The following COG5 variants were observed in gnomAD, a reference collection of about 807,000 sequenced individuals.
The protein encoded by COG5 is conserved oligomeric Golgi complex subunit 5.
COG5 carries 86 observed loss-of-function variants against 110.4 expected under a neutral mutation model. The ratio of observed to expected loss-of-function variants is 0.78; its 90% CI spans 0.65 to 0.93. The LOEUF is 0.93. COG5 is among the 40% of genes least tolerant of loss of function. The pLI, the probability that COG5 is intolerant of heterozygous loss-of-function variation, is 0.00. For synonymous variants in COG5, 360 were observed against 334.6 expected, an observed-to-expected ratio of 1.08 and a Z score of -0.83; for missense variants, 1,077 against 987.0, an observed-to-expected ratio of 1.09 and a Z score of -1.22.
chr7:107,281,430 T>C, intron 13 of COG5, 31 bp from the exon 14 acceptor site: 4 of 1,437,262 alleles, frequency 2.8e-6, no homozygotes, highest in East Asian at 2.3e-5. Flanking sequence ...TTTTAAATAT[T>C]AGCAACATCA....
intron 11 of COG5, among the ~76,000 whole-genome samples, chr7:107,314,496 C>A (rs1359820777): frequency 6.7e-6 from 1 of 150,358 alleles, no homozygotes; most frequent in Non-Finnish European, 1.5e-5. Context: ...GTAATCCCAG[C>A]ACTTTGGGAG....
In COG5 at chr7:107,465,839, T is replaced by C. The variant is rs530605512; in HGVS notation, c.539-53207A>G. Among the ~76,000 whole-genome samples the C allele has an allele frequency of 2.3e-3, 356 of 152,276 alleles. 1 individual carries two copies. The highest frequency in any genetic ancestry group is 8.1e-3 in the African/African-American group (338 of 41,564). ...AAGAATGGCAGCCTTCTTACAAAAA[T>C]GTTATGTATCTAACTAGTATCAATA... On this transcript the variant is annotated intron_variant, in intron 6 of 21. Transcript: ENST00000297135.
At chr7:107,383,969 G>GT (rs1035011174) in intron 7 of COG5, among the ~76,000 whole-genome samples, 5 of 151,924 alleles carry the variant, frequency 3.3e-5, no homozygotes, top group Non-Finnish European at 7.4e-5. Flanking sequence ...AAAGGATAAA[G>GT]TTTTTTTTGC....
chr7:107,388,891 C>A (rs990341595), intron 7 of COG5, among the ~76,000 whole-genome samples: 1 of 152,146 alleles, frequency 6.6e-6, no homozygotes, highest in African/African-American at 2.4e-5. Context: ...CTGAACAATG[C>A]GGCTTCCACA....
At chr7:107,409,825 A>C (rs1792143966) in intron 7 of COG5, among the ~76,000 whole-genome samples, 1 of 152,206 alleles carries the variant, frequency 6.6e-6, no homozygotes, top group Non-Finnish European at 1.5e-5. Context: ...TTTCCTTGTA[A>C]GGAGTGTGAC....
chr7:107,422,080 A>G (rs550208776), intron 6 of COG5, among the ~76,000 whole-genome samples: 50 of 152,222 alleles, frequency 3.3e-4, no homozygotes, highest in Non-Finnish European at 6.5e-4. Context: ...TAAATCCAAA[A>G]TTAGAACTAA....
chr7:107,496,478 G>C (rs1798278604), intron 6 of COG5, among the ~76,000 whole-genome samples: 1 of 151,932 alleles, frequency 6.6e-6, no homozygotes. Flanking sequence ...AGCCAACATG[G>C]AGAAACCCCC....
At chr7:107,472,342 TC>T (rs1288184823) in intron 6 of COG5, 4 of 151,990 alleles carry the variant, frequency 2.6e-5, no homozygotes, top group African/African-American at 4.8e-5. Context: ...ATATCATGTA[TC>T]AATTTGCCAA....
chr7:107,563,582 A>T, intron 1 of COG5: 1 of 546,662 alleles, frequency 1.8e-6, no homozygotes. Context: ...AGGAACACAC[A>T]GAAACCAAGT....
intron 5 of COG5, among the ~76,000 whole-genome samples, chr7:107,544,902 TAAAC>T (rs1259157668): frequency 6.6e-6 from 1 of 151,778 alleles, no homozygotes; most frequent in Admixed American, 6.6e-5. Flanking sequence ...AGGAAAACAA[TAAAC>T]AAACAAAATG....
intron 14 of COG5, among the ~76,000 whole-genome samples, chr7:107,260,385 C>T (rs140003010): frequency 1.3e-5 from 2 of 152,038 alleles, no homozygotes; most frequent in Admixed American, 1.3e-4. Context: ...TCTACATGGG[C>T]AAAAGTTGAT....
intron 6 of COG5, among the ~76,000 whole-genome samples, chr7:107,460,727 A>G (rs1479902131): frequency 6.6e-6 from 1 of 152,108 alleles, no homozygotes; most frequent in Non-Finnish European, 1.5e-5. Context: ...AAACTCAAAA[A>G]GAAAAAAAGA....
chr7:107,385,299 G>C (rs1178854848), intron 7 of COG5, among the ~76,000 whole-genome samples: 1 of 152,162 alleles, frequency 6.6e-6, no homozygotes, highest in Non-Finnish European at 1.5e-5. Flanking sequence ...CCAGCTTCCA[G>C]AACTGTGAGA....
chr7:107,212,091 A>G lies in COG5; in HGVS notation c.2169-866T>C, dbSNP rs571666193. Among the ~76,000 whole-genome samples the G allele has an allele frequency of 4.6e-5, 7 of 152,318 alleles. No individual in the cohort carries two copies. In the East Asian group the frequency reaches 1.3e-3, roughly 29 times the overall value. On this transcript the variant is annotated intron_variant, in intron 19 of 21. Coordinates refer to ENST00000297135, the MANE Select transcript of COG5 (RefSeq NM_006348.5). ...AGGCCTGTACAAAATAGAGAAGCGAACTTCTTCCCTATACTAATGATAAGG... is the reference window on the plus strand; with the variant it reads ...AGGCCTGTACAAAATAGAGAAGCGAGCTTCTTCCCTATACTAATGATAAGG...
chr7:107,352,282 G>A (rs551984289), intron 10 of COG5, among the ~76,000 whole-genome samples: 11 of 124,754 alleles, frequency 8.8e-5, no homozygotes, highest in Non-Finnish European at 1.5e-4. Context: ...ACACAGGAAG[G>A]GGAACATCAC....
chr7:107,214,642 CCAGGCA>C (rs1461149896), intron 19 of COG5, among the ~76,000 whole-genome samples: 1 of 152,114 alleles, frequency 6.6e-6, no homozygotes, highest in African/African-American at 2.4e-5. Flanking sequence ...GAGCTCAAGG[CCAGGCA>C]CAGTGACTCA....
chr7:107,488,119 T>C (rs963158714), intron 6 of COG5, among the ~76,000 whole-genome samples: 2 of 152,028 alleles, frequency 1.3e-5, no homozygotes, highest in African/African-American at 4.8e-5. Flanking sequence ...TATTTCATTT[T>C]AAAAATATAC....
intron 21 of COG5, chr7:107,207,745 G>C (rs955788336): frequency 1.0e-6 from 1 of 983,794 alleles, no homozygotes; most frequent in Admixed American, 6.2e-5. Flanking sequence ...TACACCACTT[G>C]GTCCCATGAG....
At chr7:107,432,980 G>A (rs147614304) in intron 6 of COG5, among the ~76,000 whole-genome samples, 63 of 152,014 alleles carry the variant, frequency 4.1e-4, no homozygotes, top group African/African-American at 9.4e-4. Context: ...CGAATTTAGC[G>A]AAGTTGTAGG....
Sources: allele counts gnomAD v4.1 joint callset (sites outside exome capture counted in the v4.1 genomes callset), GRCh38; gene constraint gnomAD v4.1.1; transcripts MANE v1.5; gene names NCBI Gene and HGNC (gene_info 2026-07-23, HGNC 2026-07-21).